The following IDE variants were observed in gnomAD, a reference collection of about 807,000 sequenced individuals.
IDE encodes the protein insulin-degrading enzyme.
A neutral mutation model predicts 133.2 loss-of-function variants in IDE; 58 were observed. That is an observed-to-expected ratio of 0.44 (90% confidence interval 0.35 to 0.54). IDE has a LOEUF of 0.54. Among genes scored for constraint, IDE ranks in the 20% least tolerant of loss-of-function variants. The pLI is 0.00. For missense variants in IDE, 981 were observed against 1,234.0 expected, an observed-to-expected ratio of 0.79 and a Z score of 3.07; for synonymous variants, 396 against 421.3, an observed-to-expected ratio of 0.94 and a Z score of 0.73.
intron 17 of IDE, among the ~76,000 whole-genome samples, chr10:92,471,667 C>T (rs1723195512): frequency 6.6e-6 from 1 of 152,148 alleles, no homozygotes; most frequent in African/African-American, 2.4e-5. Context: ...CACCACCAGA[C>T]TGGAGCTCCT....
chr10:92,556,037 G>T (rs927336888), intron 1 of IDE, among the ~76,000 whole-genome samples: 1 of 151,694 alleles, frequency 6.6e-6, no homozygotes, highest in Non-Finnish European at 1.5e-5. Flanking sequence ...GCGGGGCGCG[G>T]TGGCGGGCGC....
chr10:92,511,527 A>C (rs1035249411), intron 5 of IDE, among the ~76,000 whole-genome samples: 1 of 152,208 alleles, frequency 6.6e-6, no homozygotes, highest in Non-Finnish European at 1.5e-5. Flanking sequence ...GAATCAAATA[A>C]GATTCTTGCC....
At chr10:92,508,076 T>A (rs779884610) in intron 8 of IDE, 37 bp downstream of exon 8, 1 of 1,458,256 alleles carries the variant, frequency 6.9e-7, no homozygotes, top group Middle Eastern at 1.7e-4. Flanking sequence ...AGAAAGTAAA[T>A]TTTCATTCAA....
chr10:92,554,920 G>A lies in IDE; in HGVS notation c.99-17370C>T, dbSNP rs1842939570. ...CTTTCAGATGCCACATGCAGGAGCT[G>A]TGAAAAAAGGGGGGAAAAATAGAGC... On this transcript the variant is annotated intron_variant, in intron 1 of 24. Coordinates refer to ENST00000265986, the MANE Select transcript of IDE (RefSeq NM_004969.4). The A allele has an allele frequency of 3.3e-5, 5 of 151,584 alleles. No individual in the cohort carries two copies. The South Asian group carries it at 1.0e-3, about 31-fold the overall frequency. The allele number at this position is 151,584 out of a possible 1,614,324, so 9.4% of individuals were successfully genotyped here.
chr10:92,548,299 C>T (rs1031727385), intron 1 of IDE, among the ~76,000 whole-genome samples: 1 of 127,152 alleles, frequency 7.9e-6, no homozygotes, highest in South Asian at 2.6e-4. Context: ...GCAGAGGTTG[C>T]GGTGAACCAA....
intron 1 of IDE, among the ~76,000 whole-genome samples, chr10:92,556,136 G>T (rs1842992750): frequency 1.6e-5 from 2 of 124,644 alleles, no homozygotes; most frequent in Non-Finnish European, 3.1e-5. Flanking sequence ...TTGCACCACT[G>T]CAGTCCGCAG....
At chr10:92,454,839 G>A (rs1027582223) in intron 24 of IDE, among the ~76,000 whole-genome samples, 3 of 152,164 alleles carry the variant, frequency 2.0e-5, no homozygotes, top group Middle Eastern at 3.4e-3. Context: ...TAGAGGCTTC[G>A]CATCAAGGCT....
chr10:92,549,841 A>G (rs1265011469), intron 1 of IDE, among the ~76,000 whole-genome samples: 2 of 152,280 alleles, frequency 1.3e-5, no homozygotes, highest in South Asian at 4.1e-4. Flanking sequence ...AAAATAGAAG[A>G]GCTAGGATTC....
intron 22 of IDE, among the ~76,000 whole-genome samples, chr10:92,457,969 T>C (rs2135304980): frequency 6.6e-6 from 1 of 152,272 alleles, no homozygotes; most frequent in African/African-American, 2.4e-5. Context: ...AAGAACTTCA[T>C]CTTACTGGAG....
chr10:92,493,410 G>A (rs1339654508), intron 11 of IDE, among the ~76,000 whole-genome samples: 2 of 143,122 alleles, frequency 1.4e-5, no homozygotes, highest in Admixed American at 7.1e-5. Context: ...TTTTTTTTTA[G>A]AGACAGGGTC....
intron 4 of IDE, among the ~76,000 whole-genome samples, chr10:92,526,869 A>G (rs75307130): frequency 0.011 from 1,563 of 148,554 alleles, 14 homozygotes; most frequent in Middle Eastern, 0.032. Context: ...AAAAAAAAAA[A>G]GGACAGGGTC....
chr10:92,502,984 C>T (rs532216625), intron 11 of IDE, among the ~76,000 whole-genome samples: 1 of 152,226 alleles, frequency 6.6e-6, no homozygotes, highest in South Asian at 2.1e-4. Flanking sequence ...CTACTGGGTA[C>T]CTCAAACCAG....
intron 1 of IDE, among the ~76,000 whole-genome samples, chr10:92,544,232 C>CAA (rs377421446): frequency 1.1e-4 from 9 of 85,504 alleles, no homozygotes; most frequent in African/African-American, 1.2e-4. Flanking sequence ...GACACCATCT[C>CAA]AAAAAAAAAA....
chr10:92,466,616 C>A (rs1256223402), intron 19 of IDE, among the ~76,000 whole-genome samples: 2 of 135,654 alleles, frequency 1.5e-5, no homozygotes, highest in Non-Finnish European at 3.1e-5. Context: ...CACGCCTGGC[C>A]CTTTTCTTTT....
chr10:92,470,464 C>A (rs545697769), intron 17 of IDE, 119 bp from the exon 18 acceptor site: 3 of 484,230 alleles, frequency 6.2e-6, no homozygotes, highest in Non-Finnish European at 1.1e-5. Context: ...AAACACTTCA[C>A]CTAGTTTTCC....
At chr10:92,524,447 T>A (rs11818982) in intron 4 of IDE, among the ~76,000 whole-genome samples, 3,138 of 10,324 alleles carry the variant, frequency 0.3, 539 homozygotes, top group Non-Finnish European at 0.38. Context: ...ATAATATATT[T>A]TATATATTAT....
intron 22 of IDE, among the ~76,000 whole-genome samples, chr10:92,458,106 G>A (rs950316652): frequency 1.3e-5 from 2 of 152,138 alleles, no homozygotes; most frequent in African/African-American, 4.8e-5. Context: ...CCGATTTTCT[G>A]ACCAACTCTG....
At chr10:92,522,010 T>C (rs1849250277) in intron 4 of IDE, among the ~76,000 whole-genome samples, 1 of 151,880 alleles carries the variant, frequency 6.6e-6, no homozygotes, top group African/African-American at 2.4e-5. Flanking sequence ...GATGCACACA[T>C]AGGGTCATTA....
At position 92,531,927 on chromosome 10, in the gene IDE, C is replaced by T. The variant is rs768247108; in HGVS notation, c.492-10G>A. ...AAAAAACTGTGCAAACCTAAGGGTA[C>T]GAAACATAATTAAAACTTGAAAGAT... On this transcript the variant is annotated splice_polypyrimidine_tract_variant and intron_variant, in intron 3 of 24. Coordinates refer to ENST00000265986, the MANE Select transcript of IDE (RefSeq NM_004969.4). 13 of 1,468,914 alleles carry T rather than the reference C, an allele frequency of 8.9e-6. No individual in the cohort carries two copies. Among genetic ancestry groups the T allele is most frequent in the South Asian group, 4.6e-5 (3 of 65,906 alleles). 91.0% of individuals were successfully genotyped at this position (1,468,914 alleles called of 1,614,324 possible).
Sources: allele counts gnomAD v4.1 joint callset (sites outside exome capture counted in the v4.1 genomes callset), GRCh38; gene constraint gnomAD v4.1.1; transcripts MANE v1.5; gene names NCBI Gene and HGNC (gene_info 2026-07-23, HGNC 2026-07-21).